Variants in ARIH1 observed in about 807,000 individuals in gnomAD.
ARIH1 encodes E3 ubiquitin-protein ligase ARIH1.
Under a neutral mutation model 85.0 loss-of-function variants are expected in ARIH1, and 8 were observed. The ratio of observed to expected loss-of-function variants is 0.09; its 90% CI spans 0.06 to 0.17. The LOEUF (loss-of-function observed/expected upper bound fraction) is 0.17. Ranked by LOEUF, ARIH1 falls within the 10% of genes least tolerant of loss-of-function variation. The pLI is 1.00. For missense variants in ARIH1, 311 were observed against 718.1 expected (o/e 0.43, Z 6.48); for synonymous variants, 238 against 253.6 (o/e 0.94, Z 0.59).
chr15:72,498,281 T>G (rs1238619824), intron 1 of ARIH1, among the ~76,000 whole-genome samples: 1 of 152,214 alleles, frequency 6.6e-6, no homozygotes, highest in Non-Finnish European at 1.5e-5. Flanking sequence ...ATTTGTGCTT[T>G]CTCACTTCTG....
In ARIH1 at chr15:72,587,514, A is replaced by G. The variant is rs921623170; in HGVS notation, c.*4222A>G. Reference sequence around the variant, plus strand: ...AGTTATTCAAATGAATTTCCATTGTAAAGAATTTTGGATAGTCTGCAGGAA... The same window carrying G: ...AGTTATTCAAATGAATTTCCATTGTGAAGAATTTTGGATAGTCTGCAGGAA... On this transcript the variant is annotated 3_prime_UTR_variant, in exon 14 of 14. Coordinates refer to ENST00000379887, the MANE Select transcript of ARIH1 (RefSeq NM_005744.5). 3.8e-6 allele frequency: 1 copy of G among 262,348 alleles called. No homozygotes were observed. The highest frequency in any genetic ancestry group is 2.3e-5 in the African/African-American group (1 of 43,234). The allele number at this position is 262,348 out of a possible 1,614,324, so 16.3% of individuals were successfully genotyped here. A position where few individuals can be genotyped will look rare whatever the true frequency, so the allele number is the denominator to read the frequency against.
chr15:72,475,113 G>T, intron 1 of ARIH1, 99 bp downstream of exon 1: 1 of 1,473,570 alleles, frequency 6.8e-7, no homozygotes, highest in South Asian at 1.3e-5. Context: ...CTGGTGCGCA[G>T]CCTAGCCCGG....
chr15:72,483,402 T>TA, intron 1 of ARIH1, among the ~76,000 whole-genome samples: 1 of 152,324 alleles, frequency 6.6e-6, no homozygotes, highest in Middle Eastern at 3.4e-3. Context: ...ATTTCAGAAG[T>TA]AACGTCGCAT....
intron 11 of ARIH1, 169 bp from the exon 12 acceptor site, chr15:72,580,560 AAG>A: frequency 1.6e-6 from 1 of 643,112 alleles, no homozygotes; most frequent in Non-Finnish European, 2.6e-6. Context: ...ACAGTGTATC[AAG>A]AGTCTCCTTC....
At chr15:72,552,315 G>A (rs2064156095) in intron 3 of ARIH1, among the ~76,000 whole-genome samples, 1 of 152,184 alleles carries the variant, frequency 6.6e-6, no homozygotes, top group Admixed American at 6.5e-5. Context: ...TTAAGACGGA[G>A]TCTTGCCCTG....
chr15:72,580,681 T>G (rs769667245), intron 11 of ARIH1, 50 bp from the exon 12 acceptor site: 1 of 1,522,606 alleles, frequency 6.6e-7, no homozygotes, highest in East Asian at 2.3e-5. Flanking sequence ...AGCTTTTATG[T>G]ACAGTTTATG....
At chr15:72,487,833 C>G (rs2063843315) in intron 1 of ARIH1, among the ~76,000 whole-genome samples, 1 of 152,160 alleles carries the variant, frequency 6.6e-6, no homozygotes, top group Non-Finnish European at 1.5e-5. Context: ...TGTCAAAAGT[C>G]TATCCCAGAC....
At chr15:72,558,520 T>G (rs2064184558) in intron 5 of ARIH1, among the ~76,000 whole-genome samples, 1 of 152,218 alleles carries the variant, frequency 6.6e-6, no homozygotes, top group South Asian at 2.1e-4. Context: ...CAGGCTGTTC[T>G]CGAACTCCTG....
chr15:72,582,870 C>T lies in ARIH1; in HGVS notation c.1590-338C>T, dbSNP rs925264171. 1.3e-5 allele frequency among the ~76,000 whole-genome samples: 2 copies of T among 152,040 alleles called. No homozygotes were observed. Among genetic ancestry groups the T allele is most frequent in the Admixed American group, 6.6e-5 (1 of 15,244 alleles). ...TTACAGTTGACAGAGATTTTAAGGA[C>T]GTGAATAAAGAACCCATGAAATTAT... On this transcript the variant is annotated intron_variant, in intron 13 of 13. Transcript: ENST00000379887. This position sits in a 1 kb window ranked among gnomAD's most constrained non-coding sequence, Gnocchi z 4.6.
rs2064068137 is a variant in ARIH1 at position 72,533,660 on chromosome 15, C to T, written c.444-11160C>T. Reference sequence around the variant, plus strand: ...ATATAAAACTGGTGGTGGCTCATGCCTGTGGACTCAGCAACATGGGAGAAT... The same window carrying T: ...ATATAAAACTGGTGGTGGCTCATGCTTGTGGACTCAGCAACATGGGAGAAT... On this transcript the variant is annotated intron_variant, in intron 2 of 13. Transcript: ENST00000379887. 2.6e-5 allele frequency among the ~76,000 whole-genome samples: 4 copies of T among 152,134 alleles called. No individual in the cohort carries two copies. In the South Asian group the frequency reaches 8.3e-4, roughly 31 times the overall value.
intron 1 of ARIH1, among the ~76,000 whole-genome samples, chr15:72,505,296 C>T (rs2063920012): frequency 6.6e-6 from 1 of 152,046 alleles, no homozygotes; most frequent in Admixed American, 6.6e-5. Context: ...TTTTACATTT[C>T]TATTTATTTG....
intron 2 of ARIH1, among the ~76,000 whole-genome samples, chr15:72,518,902 G>A (rs2063986769): frequency 6.6e-6 from 1 of 152,222 alleles, no homozygotes; most frequent in South Asian, 2.1e-4. Flanking sequence ...ACCAGACCAG[G>A]TGCTTGGACT....
rs2063983228 is a variant in ARIH1 at position 72,518,101 on chromosome 15, A to G, written c.410A>G (p.His137Arg). 6.2e-7 allele frequency: 1 copy of G among 1,611,762 alleles called. No individual in the cohort carries two copies. The highest frequency in any genetic ancestry group is 1.3e-5 in the African/African-American group (1 of 74,832). The stretch of plus-strand genomic sequence containing the variant: ...ACTATCACAAGAATACTCCTTAGCC[A>G]CTTCAATTGGGATAAAGAGAAGCTA... ...PATITRILLS[H>R]FNWDKEKLME... is the part of the protein sequence containing the mutation. Residue 137 changes from histidine (H) to arginine (R), a missense_variant, in exon 2 of 14, where the codon CAC becomes CGC. This residue lies in a region of ARIH1 where 104 missense variants were observed against 221.4 expected (regional missense o/e 0.47). Coordinates refer to ENST00000379887, the MANE Select transcript of ARIH1 (RefSeq NM_005744.5).
At chr15:72,564,428 C>G (rs933023541) in intron 7 of ARIH1, among the ~76,000 whole-genome samples, 1 of 152,276 alleles carries the variant, frequency 6.6e-6, no homozygotes, top group East Asian at 1.9e-4. Context: ...TAGGTTTTCT[C>G]TATGATTGAG....
At chr15:72,508,404 A>G (rs951921504) in intron 1 of ARIH1, among the ~76,000 whole-genome samples, 2 of 152,208 alleles carry the variant, frequency 1.3e-5, no homozygotes, top group African/African-American at 2.4e-5. Context: ...ACCGAAGTGA[A>G]TTTCTCTCCT....
chr15:72,475,404 C>T (rs1595845612), intron 1 of ARIH1, among the ~76,000 whole-genome samples: 2 of 152,310 alleles, frequency 1.3e-5, no homozygotes, highest in African/African-American at 4.8e-5. Flanking sequence ...CCTGACGGGA[C>T]TTACCCCGGC....
At chr15:72,481,125 T>C (rs2063815057) in intron 1 of ARIH1, among the ~76,000 whole-genome samples, 1 of 152,192 alleles carries the variant, frequency 6.6e-6, no homozygotes, top group South Asian at 2.1e-4. Context: ...TTGATATAGT[T>C]TAGATTTATT....
chr15:72,542,764 C>T (rs2064112952), intron 2 of ARIH1, among the ~76,000 whole-genome samples: 1 of 152,044 alleles, frequency 6.6e-6, no homozygotes, highest in Non-Finnish European at 1.5e-5. Flanking sequence ...GTATGAGAGT[C>T]ATTAGTTCCC....
rs372331382 is a variant in ARIH1 at position 72,524,522 on chromosome 15, A to G, written c.443+6388A>G. On this transcript the variant is annotated intron_variant, in intron 2 of 13. Transcript: ENST00000379887. Reference sequence around the variant, plus strand: ...CCAGCCCAAGCTGGTCCACTTTTACATACATTTGAAAGCTTAGAAATGGAA... The same window carrying G: ...CCAGCCCAAGCTGGTCCACTTTTACGTACATTTGAAAGCTTAGAAATGGAA... 1.2e-4 allele frequency among the ~76,000 whole-genome samples: 18 copies of G among 152,312 alleles called. No homozygotes were observed. In the East Asian group the frequency reaches 2.9e-3, roughly 24 times the overall value.
Sources: allele counts gnomAD v4.1 joint callset (sites outside exome capture counted in the v4.1 genomes callset), GRCh38; gene constraint gnomAD v4.1.1; regional missense constraint gnomAD v4.1.1; non-coding constraint Gnocchi (gnomAD v3.1); transcripts MANE v1.5; gene names NCBI Gene and HGNC (gene_info 2026-07-23, HGNC 2026-07-21).